Variants in ERICH1 observed in about 807,000 individuals in gnomAD.
The protein encoded by ERICH1 is glutamate rich 1.
Under a neutral mutation model 39.6 loss-of-function variants are expected in ERICH1, and 56 were observed. The observed-to-expected ratio is 1.41, with a 90% confidence interval of 1.14 to 1.77. The LOEUF (loss-of-function observed/expected upper bound fraction) is 1.77, where lower values mean the gene tolerates loss of function less well. ERICH1 is among the 40% of genes most tolerant of loss of function. The probability of loss-of-function intolerance (pLI) is 0.00; values close to 1 mark genes in which losing one functional copy is unlikely to be tolerated. For synonymous variants in ERICH1, 313 were observed against 223.6 expected, an observed-to-expected ratio of 1.40 and a Z score of -3.57; for missense variants, 826 against 575.4, an observed-to-expected ratio of 1.44 and a Z score of -4.45.
At chr8:654,461 G>A (rs770969883) in intron 3 of ERICH1, among the ~76,000 whole-genome samples, 30 of 152,306 alleles carry the variant, frequency 2.0e-4, no homozygotes, top group Non-Finnish European at 3.5e-4. Flanking sequence ...TGATCTGGGT[G>A]TGGGTTACAG....
chr8:709,568 C>G (rs145100455), intron 2 of ERICH1, among the ~76,000 whole-genome samples: 4 of 152,336 alleles, frequency 2.6e-5, no homozygotes, highest in Non-Finnish European at 4.4e-5. Context: ...AGTATTTTGA[C>G]TTTTAATTCA....
chr8:706,564 G>A (rs1415828969), intron 2 of ERICH1, among the ~76,000 whole-genome samples: 4 of 152,008 alleles, frequency 2.6e-5, no homozygotes, highest in African/African-American at 7.3e-5. Context: ...ACCTGAGGTC[G>A]GGAGTTCGAG....
At chr8:719,212 C>CCCAG (rs1247929312) in intron 1 of ERICH1, among the ~76,000 whole-genome samples, 3 of 152,224 alleles carry the variant, frequency 2.0e-5, no homozygotes, top group African/African-American at 7.2e-5. Flanking sequence ...TCTGCCCCAC[C>CCCAG]CCAGCCCTGG....
chr8:636,490 G>T (rs752768344), intron 3 of ERICH1, among the ~76,000 whole-genome samples: 1 of 152,204 alleles, frequency 6.6e-6, no homozygotes, highest in Non-Finnish European at 1.5e-5. Context: ...GCTCAGAATC[G>T]GGGCATCTGC....
intron 3 of ERICH1, among the ~76,000 whole-genome samples, chr8:648,502 C>CAAAAAAAA (rs531723403): frequency 1.5e-4 from 2 of 13,732 alleles, no homozygotes; most frequent in Admixed American, 7.7e-4. Context: ...AAAGAAAAAG[C>CAAAAAAAA]AAAAAAAAAA....
At chr8:718,747 T>A (rs1234911803) in intron 1 of ERICH1, among the ~76,000 whole-genome samples, 1 of 152,194 alleles carries the variant, frequency 6.6e-6, no homozygotes, top group Non-Finnish European at 1.5e-5. Flanking sequence ...GGAATCAATC[T>A]GCTGGCACAG....
At chr8:658,907 C>G (rs1801025792) in intron 3 of ERICH1, among the ~76,000 whole-genome samples, 1 of 152,230 alleles carries the variant, frequency 6.6e-6, no homozygotes, top group Admixed American at 6.5e-5. Context: ...CCTTCACTTG[C>G]TCTGCGACCC....
chr8:729,398 G>C (rs142156302), intron 1 of ERICH1, among the ~76,000 whole-genome samples: 9 of 152,056 alleles, frequency 5.9e-5, no homozygotes, highest in African/African-American at 2.2e-4. Context: ...CTCCTCCTGC[G>C]GCACCTTCCC....
intron 2 of ERICH1, among the ~76,000 whole-genome samples, chr8:698,627 T>C (rs1192788714): frequency 1.3e-5 from 2 of 152,114 alleles, no homozygotes; most frequent in African/African-American, 4.8e-5. Flanking sequence ...TTTAAAAAAT[T>C]CTTTTAGAGA....
chr8:717,228 C>T (rs1816223071), intron 1 of ERICH1, among the ~76,000 whole-genome samples: 1 of 152,162 alleles, frequency 6.6e-6, no homozygotes. Context: ...CCCTGAGACC[C>T]CGGGCTCTTC....
intron 3 of ERICH1, among the ~76,000 whole-genome samples, chr8:691,657 G>A (rs1808943562): frequency 1.3e-5 from 2 of 152,242 alleles, no homozygotes; most frequent in African/African-American, 4.8e-5. Flanking sequence ...GGCTTGAAAG[G>A]ATGAATCCAT....
At chr8:650,360 T>C (rs558816583) in intron 3 of ERICH1, among the ~76,000 whole-genome samples, 4 of 152,334 alleles carry the variant, frequency 2.6e-5, no homozygotes, top group Admixed American at 6.5e-5. Flanking sequence ...AGAACGGGCT[T>C]TCCTTTTTCC....
chr8:635,101 TA>T (rs35192955), intron 3 of ERICH1, among the ~76,000 whole-genome samples: 26,339 of 144,522 alleles, frequency 0.18, 2,934 homozygotes, highest in Middle Eastern at 0.34. Flanking sequence ...GCCACTCAGC[TA>T]AAAAAAAAAA....
chr8:622,193 T>A (rs1172247885), intron 3 of ERICH1, among the ~76,000 whole-genome samples: 1 of 152,152 alleles, frequency 6.6e-6, no homozygotes, highest in Non-Finnish European at 1.5e-5. Flanking sequence ...CTGTACTCCA[T>A]CCTGGGTGAC....
At chr8:625,225 C>A (rs1312104120) in intron 3 of ERICH1, among the ~76,000 whole-genome samples, 2 of 152,298 alleles carry the variant, frequency 1.3e-5, no homozygotes, top group Admixed American at 1.3e-4. Context: ...CAGAAACAAC[C>A]CAAATGCTTC....
chr8:663,083 C>T (rs977013075), downstream of ERICH1, among the ~76,000 whole-genome samples: 7 of 152,224 alleles, frequency 4.6e-5, no homozygotes, highest in Admixed American at 2.6e-4. Context: ...TGCATCAAGA[C>T]GGGGACACTG....
intron 3 of ERICH1, among the ~76,000 whole-genome samples, chr8:679,464 A>C (rs1585239921): frequency 9.5e-6 from 1 of 105,100 alleles, no homozygotes. Flanking sequence ...CACAGCACCC[A>C]CCCCTCGCAG....
intron 2 of ERICH1, among the ~76,000 whole-genome samples, chr8:696,937 C>T (rs1380073670): frequency 1.3e-4 from 19 of 145,832 alleles, no homozygotes; most frequent in Middle Eastern, 7.6e-3. Flanking sequence ...TCGCTTCTCT[C>T]ACCCTCCACT....
At chr8:641,860 G>C (rs115289184) in intron 3 of ERICH1, among the ~76,000 whole-genome samples, 1 of 152,184 alleles carries the variant, frequency 6.6e-6, no homozygotes, top group Non-Finnish European at 1.5e-5. Flanking sequence ...AAAACCCCAC[G>C]GTGCCTCTGG....
Sources: gnomAD v4.1 joint callset for allele counts (sites outside exome capture counted in the v4.1 genomes callset) on GRCh38, gnomAD v4.1.1 for gene constraint, MANE v1.5 for transcripts, NCBI Gene and HGNC (gene_info 2026-07-23, HGNC 2026-07-21) for gene names.